The following ELAVL3 variants were observed in gnomAD, a reference collection of about 807,000 sequenced individuals.
The protein encoded by ELAVL3 is ELAV-like protein 3.
Under a neutral mutation model 34.2 loss-of-function variants are expected in ELAVL3, and 8 were observed. That is an observed-to-expected ratio of 0.23 (90% CI 0.14 to 0.42). ELAVL3 has a LOEUF of 0.42. Ranked by LOEUF, ELAVL3 falls within the 10% of genes least tolerant of loss-of-function variation. The pLI is 1.00. For missense variants in ELAVL3, 273 were observed against 518.8 expected (o/e 0.53, Z 4.60); for synonymous variants, 209 against 222.1 (o/e 0.94, Z 0.53).
chr19:11,459,461 G>C (rs1189994625), intron 3 of ELAVL3, among the ~76,000 whole-genome samples: 3 of 151,480 alleles, frequency 2.0e-5, no homozygotes, highest in Non-Finnish European at 4.4e-5. Flanking sequence ...CAGAGACAGG[G>C]TTTCATCATG....
In ELAVL3 at chr19:11,452,048, C is replaced by T. The variant is rs999802453; in HGVS notation, c.*2478G>A. 4 of 152,138 alleles carry T rather than the reference C, an allele frequency of 2.6e-5. No individual in the cohort carries two copies. Among genetic ancestry groups the T allele is most frequent in the Non-Finnish European group, 5.9e-5 (4 of 68,010 alleles). 9.4% of individuals were successfully genotyped at this position (152,138 alleles called of 1,614,324 possible). On this transcript the variant is annotated 3_prime_UTR_variant, in exon 7 of 7. Coordinates refer to ENST00000359227, the MANE Select transcript of ELAVL3 (RefSeq NM_001420.4). Reference sequence around the variant, plus strand: ...TTAAAACCACGAGAATAAATAGGTTCGTGTATCAAGAACAAGCTAGGGATT... The same window carrying T: ...TTAAAACCACGAGAATAAATAGGTTTGTGTATCAAGAACAAGCTAGGGATT...
Position 11,458,579 on chromosome 19 carries a change from G to A in ELAVL3, c.366C>T (p.Ile122=). 1 of 1,614,042 alleles carries A rather than the reference G, an allele frequency of 6.2e-7. No individual in the cohort carries two copies. Among genetic ancestry groups the A allele is most frequent in the Non-Finnish European group, 8.5e-7 (1 of 1,180,018 alleles). Residue 122 remains isoleucine, a synonymous_variant, in exon 4 of 7, where the codon ATC becomes ATT. Coordinates refer to ENST00000359227, the MANE Select transcript of ELAVL3 (RefSeq NM_001420.4). This position sits in a 1 kb window ranked among gnomAD's most constrained non-coding sequence, Gnocchi z 7.3. ...CGCTGACGTACAGGTTAGCATCCCGGATGGATGCTGAACTGGGTCTGGCAT... is the reference window on the plus strand; with the variant it reads ...CGCTGACGTACAGGTTAGCATCCCGAATGGATGCTGAACTGGGTCTGGCAT... The part of the protein sequence containing the change: ...VSYARPSSAS[I]RDANLYVSGL...
intron 6 of ELAVL3, among the ~76,000 whole-genome samples, chr19:11,456,013 C>G (rs1317113519): frequency 6.6e-6 from 1 of 152,182 alleles, no homozygotes; most frequent in African/African-American, 2.4e-5. Flanking sequence ...GCTTTTCCCA[C>G]TGCTAGGAAC....
At chr19:11,472,314 C>G (rs1971179683) in intron 1 of ELAVL3, among the ~76,000 whole-genome samples, 1 of 152,156 alleles carries the variant, frequency 6.6e-6, no homozygotes, top group South Asian at 2.1e-4. Context: ...CCACTGCACT[C>G]CAGCCTGGGC....
chr19:11,457,873 C>T (rs1254334872), intron 5 of ELAVL3, among the ~76,000 whole-genome samples, 188 bp downstream of exon 5: 2 of 152,258 alleles, frequency 1.3e-5, no homozygotes, highest in Admixed American at 1.3e-4. Context: ...TGCCAATCGT[C>T]GCGGCCAGCA....
Position 11,480,818 on chromosome 19 carries a change from T to G in ELAVL3, c.-210A>C. 7.6e-6 allele frequency: 3 copies of G among 392,668 alleles called. No homozygotes were observed. Among genetic ancestry groups the G allele is most frequent in the Non-Finnish European group, 8.8e-6 (2 of 227,652 alleles). 24.3% of individuals were successfully genotyped at this position (392,668 alleles called of 1,614,324 possible). On this transcript the variant is annotated 5_prime_UTR_variant, in exon 1 of 7. Transcript: ENST00000359227. The surrounding 1 kb of genome is among the most constrained non-coding windows in gnomAD (Gnocchi z 6.8). The stretch of plus-strand genomic sequence containing the variant: ...GCGCGCGGATGGCCGGGCCCCGGGG[T>G]GGCCTGCGGGCGGCAGGGGATGGAA...
intron 3 of ELAVL3, among the ~76,000 whole-genome samples, chr19:11,465,580 G>C (rs1164653666): frequency 6.9e-6 from 1 of 144,546 alleles, no homozygotes; most frequent in East Asian, 2.1e-4. Context: ...CTGGGGGCCA[G>C]ATGGGCCACC....
chr19:11,475,806 C>T (rs1971252265), intron 1 of ELAVL3, among the ~76,000 whole-genome samples: 1 of 151,808 alleles, frequency 6.6e-6, no homozygotes, highest in Non-Finnish European at 1.5e-5. Flanking sequence ...GTAGAGACAC[C>T]GTTTTGCCAT....
At position 11,454,218 on chromosome 19, in the gene ELAVL3, T is replaced by C. The variant is rs1970718008; in HGVS notation, c.*308A>G. 3.1e-6 allele frequency: 1 copy of C among 320,148 alleles called. No individual in the cohort carries two copies. The highest frequency in any genetic ancestry group is 5.8e-6 in the Non-Finnish European group (1 of 171,832). 19.8% of individuals were successfully genotyped at this position (320,148 alleles called of 1,614,324 possible). A position where few individuals can be genotyped will look rare whatever the true frequency, so the allele number is the denominator to read the frequency against. ...TGGGGGTGGGGGCACATCTCTGCAT[T>C]CTTTTTAGCCGAAAAAAGAAACAAA... On this transcript the variant is annotated 3_prime_UTR_variant, in exon 7 of 7. Transcript: ENST00000359227. The surrounding 1 kb of genome is among the most constrained non-coding windows in gnomAD (Gnocchi z 9.2).
rs762714316 is a variant in ELAVL3 at position 11,454,754 on chromosome 19, T to C, written c.876A>G (p.Ser292=). The stretch of plus-strand genomic sequence containing the variant: ...ACAGCACGCTCTCGTCTGCCTCCGG[T>C]GACAGGTTGTACACGAAGATGCACC... ...AGWCIFVYNL[S]PEADESVLWQ... The change falls in exon 7 of 7, where the codon TCA becomes TCG. Residue 292 remains serine, a synonymous_variant. Transcript: ENST00000359227. This position sits in a 1 kb window ranked among gnomAD's most constrained non-coding sequence, Gnocchi z 9.2. 9.3e-6 allele frequency: 15 copies of C among 1,613,928 alleles called. No individual in the cohort carries two copies. The highest frequency in any genetic ancestry group is 1.3e-5 in the Non-Finnish European group (15 of 1,179,986).
Position 11,466,475 on chromosome 19 carries a change from A to G in ELAVL3, c.229+133T>C. 1.8e-6 allele frequency: 2 copies of G among 1,116,854 alleles called. No individual in the cohort carries two copies. Among genetic ancestry groups the G allele is most frequent in the Non-Finnish European group, 2.6e-6 (2 of 764,688 alleles). The allele number at this position is 1,116,854 out of a possible 1,614,324, so 69.2% of individuals were successfully genotyped here. On this transcript the variant is annotated intron_variant, in intron 2 of 6. Coordinates refer to ENST00000359227, the MANE Select transcript of ELAVL3 (RefSeq NM_001420.4). This position sits in a 1 kb window ranked among gnomAD's most constrained non-coding sequence, Gnocchi z 5.0. ...GGGGGTATACCCATCTCCCCATCAGACCTCACATCCCTAGACCACCTCCTG... is the reference window on the plus strand; with the variant it reads ...GGGGGTATACCCATCTCCCCATCAGGCCTCACATCCCTAGACCACCTCCTG...
chr19:11,476,664 C>G (rs918467164), intron 1 of ELAVL3, among the ~76,000 whole-genome samples: 2 of 152,136 alleles, frequency 1.3e-5, no homozygotes, highest in East Asian at 1.9e-4. Flanking sequence ...TTTGGGAGGC[C>G]TAGGCGGGAG....
At chr19:11,455,055 G>C (rs955530109) in intron 6 of ELAVL3, among the ~76,000 whole-genome samples, 178 bp from the exon 7 acceptor site, 1 of 152,106 alleles carries the variant, frequency 6.6e-6, no homozygotes, top group Non-Finnish European at 1.5e-5. Flanking sequence ...CTGGAGTGCA[G>C]TGGTGCAATC....
intron 5 of ELAVL3, 128 bp from the exon 6 acceptor site, chr19:11,457,276 C>CCCCG: frequency 9.8e-7 from 1 of 1,016,666 alleles, no homozygotes; most frequent in Non-Finnish European, 1.4e-6. Flanking sequence ...CCTGCCTGCT[C>CCCCG]CCCGCCCGCC....
intron 3 of ELAVL3, among the ~76,000 whole-genome samples, chr19:11,464,588 CACAT>C (rs1164378772): frequency 2.0e-5 from 3 of 148,270 alleles, no homozygotes; most frequent in Admixed American, 1.4e-4. Flanking sequence ...ACCCCACACA[CACAT>C]ACACACACAC....
At chr19:11,475,366 C>T (rs571958446) in intron 1 of ELAVL3, among the ~76,000 whole-genome samples, 7 of 152,256 alleles carry the variant, frequency 4.6e-5, no homozygotes, top group Middle Eastern at 3.4e-3. Flanking sequence ...TGCCTTGTCT[C>T]GCTATGTTGC....
chr19:11,461,115 G>T (rs998368365), intron 3 of ELAVL3, among the ~76,000 whole-genome samples: 5 of 151,830 alleles, frequency 3.3e-5, no homozygotes, highest in Admixed American at 1.3e-4. Context: ...GGAGTTAAAG[G>T]CTGCAGTGAG....
At chr19:11,474,401 C>T (rs1304289004) in intron 1 of ELAVL3, among the ~76,000 whole-genome samples, 6 of 152,072 alleles carry the variant, frequency 3.9e-5, no homozygotes, top group African/African-American at 1.4e-4. Context: ...TCCAGACCAG[C>T]CTTGCCAACA....
At position 11,452,298 on chromosome 19, in the gene ELAVL3, CAA is replaced by C. The variant is rs1051949973; in HGVS notation, c.*2226_*2227del. 4 of 152,244 alleles carry C rather than the reference CAA, an allele frequency of 2.6e-5. No homozygotes were observed. The highest frequency in any genetic ancestry group is 4.4e-5 in the Non-Finnish European group (3 of 68,014). 9.4% of individuals were successfully genotyped at this position (152,244 alleles called of 1,614,324 possible). A position where few individuals can be genotyped will look rare whatever the true frequency, so the allele number is the denominator to read the frequency against. On this transcript the variant is annotated 3_prime_UTR_variant, in exon 7 of 7. Transcript: ENST00000359227. ...CATGTCTCGGCAAAACTTAAAGAAA[CAA>C]AGAGAACATTGTCGTTCCTTTAACT...
Sources: gnomAD v4.1 joint callset for allele counts (sites outside exome capture counted in the v4.1 genomes callset) on GRCh38, gnomAD v4.1.1 for gene constraint, Gnocchi (gnomAD v3.1) non-coding constraint, MANE v1.5 for transcripts, NCBI Gene and HGNC (gene_info 2026-07-23, HGNC 2026-07-21) for gene names.